SLC12A8: variants seen among roughly 807,000 people sequenced by gnomAD.
SLC12A8 encodes the protein solute carrier family 12 member 8, also known as cation-chloride cotransporter 9.
SLC12A8 carries 69 observed loss-of-function variants against 75.6 expected under a neutral mutation model. That is an observed-to-expected ratio of 0.91 (90% confidence interval 0.75 to 1.11). SLC12A8 has a LOEUF of 1.11. Among genes scored for constraint, SLC12A8 ranks in the 50% most tolerant of loss-of-function variants. The probability of loss-of-function intolerance (pLI) is 0.00; values close to 1 mark genes in which losing one functional copy is unlikely to be tolerated. For synonymous variants in SLC12A8, 365 were observed against 372.8 expected (o/e 0.98, Z 0.24); for missense variants, 877 against 896.7 (o/e 0.98, Z 0.28).
chr3:125,158,519 G>A (rs1271416610), intron 5 of SLC12A8, among the ~76,000 whole-genome samples: 3 of 152,054 alleles, frequency 2.0e-5, no homozygotes, highest in African/African-American at 7.2e-5. Flanking sequence ...CAGTGCCTGG[G>A]CCCCCAGTGG....
rs564735564 is a variant in SLC12A8, at chr3:125,176,843, G to A, written c.622+900C>T. 4.3e-4 allele frequency among the ~76,000 whole-genome samples: 63 copies of A among 145,112 alleles called. 1 individual carries two copies. The East Asian group carries it at 0.013, about 29-fold the overall frequency. ...GGAAACAACAGGTGCTAGAGAGGAT[G>A]TGCAGAAATAGGAACACTTTTACAC... is the stretch of plus-strand genomic sequence containing the variant. On this transcript the variant is annotated intron_variant, in intron 5 of 13. Transcript: ENST00000469902.
intron 10 of SLC12A8, among the ~76,000 whole-genome samples, chr3:125,093,271 A>G (rs1476455893): frequency 6.6e-6 from 1 of 152,200 alleles, no homozygotes; most frequent in Non-Finnish European, 1.5e-5. Flanking sequence ...CTCAACCTTC[A>G]TAGTTTGTTG....
At chr3:125,141,130 G>A (rs1399583471) in intron 5 of SLC12A8, among the ~76,000 whole-genome samples, 2 of 149,534 alleles carry the variant, frequency 1.3e-5, no homozygotes, top group Admixed American at 6.9e-5. Context: ...TCCAGTTTGA[G>A]CTGTATGCTT....
chr3:125,110,256 G>T lies in SLC12A8; in HGVS notation c.992C>A (p.Ala331Asp). 1 of 1,614,056 alleles carries T rather than the reference G, an allele frequency of 6.2e-7. No homozygotes were observed. Among genetic ancestry groups the T allele is most frequent in the Non-Finnish European group, 8.5e-7 (1 of 1,179,948 alleles). Residue 331 changes from alanine (A) to aspartate (D), a missense_variant, in exon 9 of 14, where the codon GCT (alanine) becomes GAT (aspartate). Transcript: ENST00000469902. Reference protein sequence around the residue: ...LASCMGGLYGAPRILQCIAQE... With the variant: ...LASCMGGLYGDPRILQCIAQE... The stretch of plus-strand genomic sequence containing the variant: ...GGCAATGCACTGCAGGATGCGGGGA[G>T]CTCCATAAAGTCCTCCCATGCAGGA...
intron 5 of SLC12A8, among the ~76,000 whole-genome samples, chr3:125,174,464 A>G (rs1033141144): frequency 1.3e-5 from 2 of 152,238 alleles, no homozygotes; most frequent in Non-Finnish European, 2.9e-5. Flanking sequence ...ACATGCTCCA[A>G]CAATGATGCA....
At chr3:125,147,467 C>T (rs1449478998) in intron 5 of SLC12A8, among the ~76,000 whole-genome samples, 8 of 152,320 alleles carry the variant, frequency 5.3e-5, no homozygotes, top group African/African-American at 1.4e-4. Context: ...CGTTGTGTGC[C>T]TTTTCTGCAG....
chr3:125,172,237 G>A (rs1342257412), intron 5 of SLC12A8, among the ~76,000 whole-genome samples: 2 of 150,718 alleles, frequency 1.3e-5, no homozygotes, highest in African/African-American at 4.9e-5. Flanking sequence ...TCCCGCCACT[G>A]CACTCCGGCC....
chr3:125,167,518 A>T (rs1934315386), intron 5 of SLC12A8, among the ~76,000 whole-genome samples: 1 of 152,180 alleles, frequency 6.6e-6, no homozygotes, highest in African/African-American at 2.4e-5. Flanking sequence ...GCAGACTGTT[A>T]TAGCCCCTCA....
chr3:125,115,742 T>C (rs537352553), intron 8 of SLC12A8, among the ~76,000 whole-genome samples: 1 of 151,248 alleles, frequency 6.6e-6, no homozygotes, highest in Non-Finnish European at 1.5e-5. Flanking sequence ...AGGAGTGCAT[T>C]TGGGAGCTGC....
chr3:125,174,415 G>A (rs1326508048), intron 5 of SLC12A8, among the ~76,000 whole-genome samples: 3 of 152,222 alleles, frequency 2.0e-5, no homozygotes, highest in Non-Finnish European at 4.4e-5. Flanking sequence ...AGCCACTTTA[G>A]AAGACAGTTT....
chr3:125,176,808 T>C (rs112576864), intron 5 of SLC12A8, among the ~76,000 whole-genome samples: 16,348 of 142,610 alleles, frequency 0.11, 1,724 homozygotes, highest in African/African-American at 0.27. Context: ...TGGCAATCAT[T>C]AAAAAGTCAG....
intron 8 of SLC12A8, among the ~76,000 whole-genome samples, chr3:125,112,120 T>C (rs1054131162): frequency 6.6e-6 from 1 of 152,204 alleles, no homozygotes; most frequent in Non-Finnish European, 1.5e-5. Context: ...ATGGGGGTAC[T>C]CTCTCCCTTC....
intron 6 of SLC12A8, among the ~76,000 whole-genome samples, chr3:125,131,795 G>GTCCCCATATTTGAC (rs1933364442): frequency 1.3e-5 from 2 of 152,212 alleles, no homozygotes; most frequent in Admixed American, 1.3e-4. Context: ...CCCTGGACAG[G>GTCCCCATATTTGAC]AGTGTCCCCA....
intron 2 of SLC12A8, among the ~76,000 whole-genome samples, chr3:125,208,418 C>G (rs950192723): frequency 6.6e-6 from 1 of 152,086 alleles, no homozygotes. Context: ...TACCACTACC[C>G]CCTGGATTAA....
intron 8 of SLC12A8, among the ~76,000 whole-genome samples, chr3:125,116,272 A>C (rs1203412176): frequency 1.3e-5 from 2 of 152,194 alleles, no homozygotes; most frequent in African/African-American, 4.8e-5. Flanking sequence ...TTCTACTGAG[A>C]ACCAAGAGCA....
intron 2 of SLC12A8, among the ~76,000 whole-genome samples, chr3:125,190,776 CAG>C (rs962867370): frequency 3.9e-5 from 6 of 152,260 alleles, no homozygotes; most frequent in African/African-American, 1.4e-4. Flanking sequence ...CCATATGTAG[CAG>C]AGACTCATTA....
chr3:125,160,003 G>A (rs889575087), intron 5 of SLC12A8, among the ~76,000 whole-genome samples: 6 of 152,206 alleles, frequency 3.9e-5, no homozygotes, highest in Admixed American at 3.3e-4. Context: ...CTGTCGCCCA[G>A]GCTGGAGTGC....
intron 6 of SLC12A8, among the ~76,000 whole-genome samples, chr3:125,129,695 T>C (rs1395749430): frequency 6.6e-6 from 1 of 152,200 alleles, no homozygotes; most frequent in Non-Finnish European, 1.5e-5. Flanking sequence ...GAGGATGGTG[T>C]TGGAGGGAAC....
chr3:125,126,009 A>G, intron 6 of SLC12A8: 1 of 776,288 alleles, frequency 1.3e-6, no homozygotes, highest in Non-Finnish European at 1.6e-6. Flanking sequence ...CGCCAATTCC[A>G]GGAAGCAGTT....
Sources: allele counts gnomAD v4.1 joint callset (sites outside exome capture counted in the v4.1 genomes callset), GRCh38; gene constraint gnomAD v4.1.1; transcripts MANE v1.5; gene names NCBI Gene and HGNC (gene_info 2026-07-23, HGNC 2026-07-21).